Variants in CAST observed in about 807,000 individuals in gnomAD.
The protein encoded by CAST is calpastatin.
CAST carries 76 observed loss-of-function variants against 119.6 expected under a neutral mutation model. The ratio of observed to expected loss-of-function variants is 0.64; its 90% CI spans 0.53 to 0.77. The LOEUF (loss-of-function observed/expected upper bound fraction) is 0.77, where lower values mean the gene tolerates loss of function less well. Ranked by LOEUF, CAST falls within the 30% of genes least tolerant of loss-of-function variation. CAST has a pLI of 0.00. For synonymous variants in CAST, 319 were observed against 331.6 expected, an observed-to-expected ratio of 0.96 and a Z score of 0.41; for missense variants, 953 against 946.5, an observed-to-expected ratio of 1.01 and a Z score of -0.09.
the CAST span, among the ~76,000 whole-genome samples, chr5:96,284,844 C>CT: frequency 6.6e-6 from 1 of 152,116 alleles, no homozygotes; most frequent in Admixed American, 6.5e-5. Flanking sequence ...GCACTTATTT[C>CT]TTTTTTATCT....
chr5:96,194,730 T>C, the CAST span, among the ~76,000 whole-genome samples: 1 of 152,242 alleles, frequency 6.6e-6, no homozygotes, highest in South Asian at 2.1e-4. Context: ...CATAATGTTC[T>C]TATTTATTTT....
chr5:96,656,852 G>C (rs1748166416), intron 1 of CAST, among the ~76,000 whole-genome samples: 1 of 152,066 alleles, frequency 6.6e-6, no homozygotes, highest in Admixed American at 6.6e-5. Context: ...AGAAACTAGT[G>C]AATTCTTATA....
chr5:96,430,818 T>C, the CAST span, among the ~76,000 whole-genome samples: 6 of 152,194 alleles, frequency 3.9e-5, no homozygotes, highest in African/African-American at 1.2e-4. Context: ...TAGATGGTTT[T>C]CCCCCACTAT....
chr5:95,992,147 C>A, the CAST span, among the ~76,000 whole-genome samples: 2 of 152,088 alleles, frequency 1.3e-5, no homozygotes, highest in East Asian at 3.9e-4. Context: ...TGGATCTTGA[C>A]GAGAAATCCA....
intron 1 of CAST, among the ~76,000 whole-genome samples, chr5:96,608,578 T>C (rs1042334134): frequency 3.3e-5 from 5 of 151,824 alleles, no homozygotes; most frequent in African/African-American, 1.2e-4. Flanking sequence ...TGCATAAATA[T>C]ATGACAACAA....
the CAST span, among the ~76,000 whole-genome samples, chr5:96,147,945 A>G: frequency 1.8e-4 from 27 of 152,322 alleles, no homozygotes; most frequent in East Asian, 5.2e-3. Context: ...GTATTAGAAA[A>G]TGTGGTACAG....
the CAST span, among the ~76,000 whole-genome samples, chr5:95,985,647 C>T: frequency 6.6e-6 from 1 of 152,160 alleles, no homozygotes. Flanking sequence ...ACATTGGACA[C>T]CATGTTTCTT....
At chr5:96,619,626 C>T (rs114287327) in intron 1 of CAST, among the ~76,000 whole-genome samples, 97 of 152,314 alleles carry the variant, frequency 6.4e-4, no homozygotes, top group Non-Finnish European at 9.8e-4. Context: ...ACGCTCACTG[C>T]GAAGGTCTAC....
intron 3 of CAST, among the ~76,000 whole-genome samples, chr5:96,710,372 A>G (rs1038473809): frequency 6.6e-6 from 1 of 152,162 alleles, no homozygotes; most frequent in East Asian, 1.9e-4. Flanking sequence ...TAAATTACCT[A>G]AAAGTGATTC....
upstream of CAST, among the ~76,000 whole-genome samples, chr5:96,529,043 T>G (rs371779148): frequency 8.5e-5 from 13 of 152,306 alleles, no homozygotes; most frequent in African/African-American, 3.1e-4. Context: ...TTGGTGACAT[T>G]TATTTGGCAG....
the CAST span, among the ~76,000 whole-genome samples, chr5:96,114,092 ATCT>A: frequency 5.5e-3 from 844 of 152,316 alleles, 7 homozygotes; most frequent in African/African-American, 0.019. Context: ...CAGTTTGATC[ATCT>A]TCTCTCAGCA....
intron 1 of CAST, among the ~76,000 whole-genome samples, chr5:96,619,664 A>G (rs994038939): frequency 2.6e-5 from 4 of 152,204 alleles, no homozygotes; most frequent in Admixed American, 6.5e-5. Context: ...CAGCGAGACC[A>G]CTAACCCACC....
At chr5:96,498,036 G>A in the CAST span, among the ~76,000 whole-genome samples, 1 of 152,160 alleles carries the variant, frequency 6.6e-6, no homozygotes, top group Non-Finnish European at 1.5e-5. Context: ...ATTCATTTTT[G>A]TATAAGGTGT....
the CAST span, among the ~76,000 whole-genome samples, chr5:96,302,400 G>A: frequency 7.3e-4 from 111 of 152,030 alleles, no homozygotes; most frequent in African/African-American, 1.5e-3. Context: ...CATTTGCTTC[G>A]TCTTTACTTA....
chr5:96,411,257 C>A, the CAST span, among the ~76,000 whole-genome samples: 1 of 152,220 alleles, frequency 6.6e-6, no homozygotes, highest in African/African-American at 2.4e-5. Context: ...CATAATCTAG[C>A]GTTTTGCACT....
At chr5:96,182,940 C>A in the CAST span, among the ~76,000 whole-genome samples, 2 of 151,972 alleles carry the variant, frequency 1.3e-5, no homozygotes, top group Admixed American at 1.3e-4. Context: ...AGATCGAGAC[C>A]ATCCTGGCTA....
At chr5:96,243,352 C>T in the CAST span, among the ~76,000 whole-genome samples, 591 of 149,750 alleles carry the variant, frequency 3.9e-3, 8 homozygotes, top group African/African-American at 3.6e-3. Context: ...GACTGAAGAA[C>T]GTTTTGCTCA....
intron 1 of CAST, among the ~76,000 whole-genome samples, chr5:96,597,207 G>A (rs1440065965): frequency 6.6e-6 from 1 of 152,138 alleles, no homozygotes; most frequent in Non-Finnish European, 1.5e-5. Context: ...AAAAATACTT[G>A]CAAAACATCT....
chr5:96,596,205 G>T (rs1747049605), intron 1 of CAST, among the ~76,000 whole-genome samples: 1 of 152,186 alleles, frequency 6.6e-6, no homozygotes, highest in African/African-American at 2.4e-5. Flanking sequence ...TAGCCAGGTA[G>T]GCCCAATACA....
Sources: gnomAD v4.1 joint callset for allele counts (sites outside exome capture counted in the v4.1 genomes callset) on GRCh38, gnomAD v4.1.1 for gene constraint, MANE v1.5 for transcripts, NCBI Gene and HGNC (gene_info 2026-07-23, HGNC 2026-07-21) for gene names.